Variants in ST18 observed in about 807,000 individuals in gnomAD.
ST18 encodes the protein ST18 C2H2C-type zinc finger transcription factor, also known as suppression of tumorigenicity 18 protein.
Under a neutral mutation model 110.0 loss-of-function variants are expected in ST18, and 50 were observed. The observed-to-expected ratio is 0.45, with a 90% confidence interval of 0.36 to 0.58. The LOEUF is 0.58. Among genes scored for constraint, ST18 ranks in the 20% least tolerant of loss-of-function variants. The probability of loss-of-function intolerance (pLI) is 0.00; values close to 1 mark genes in which losing one functional copy is unlikely to be tolerated. For synonymous variants in ST18, 461 were observed against 452.4 expected, an observed-to-expected ratio of 1.02 and a Z score of -0.24; for missense variants, 1,306 against 1,280.1, an observed-to-expected ratio of 1.02 and a Z score of -0.31.
At chr8:52,365,481 G>A (rs1234107957) in intron 2 of ST18, among the ~76,000 whole-genome samples, 1 of 151,730 alleles carries the variant, frequency 6.6e-6, no homozygotes, top group Non-Finnish European at 1.5e-5. Flanking sequence ...ATGAAATGGA[G>A]GTGTTCCTGA....
Position 52,214,126 on chromosome 8 carries a change from C to T in ST18, c.55+77G>A, listed in dbSNP as rs16917482. 9,520 of 1,448,614 alleles carry T rather than the reference C, an allele frequency of 6.6e-3. 462 individuals are homozygous for T. In the African/African-American group the frequency reaches 0.11, roughly 17 times the overall value. The allele number at this position is 1,448,614 out of a possible 1,614,324, so 89.7% of individuals were successfully genotyped here. A position where few individuals can be genotyped will look rare whatever the true frequency, so the allele number is the denominator to read the frequency against. ...AAGTTGTAATCATTCTGACTGCACA[C>T]GAGGGACTGAGCACTGGAACGCTCA... On this transcript the variant is annotated intron_variant, in intron 7 of 25. Coordinates refer to ENST00000689386, the MANE Select transcript of ST18 (RefSeq NM_001352837.2).
chr8:52,130,839 C>G (rs990498305), intron 22 of ST18, among the ~76,000 whole-genome samples: 2 of 152,166 alleles, frequency 1.3e-5, no homozygotes, highest in Non-Finnish European at 2.9e-5. Context: ...TTAGCAGTAT[C>G]AACATGGATA....
chr8:52,374,949 C>T (rs963456919), intron 2 of ST18, among the ~76,000 whole-genome samples: 1 of 152,182 alleles, frequency 6.6e-6, no homozygotes, highest in African/African-American at 2.4e-5. Context: ...AAGAAACTCA[C>T]AGACTCCACT....
chr8:52,386,230 T>C (rs912468675), intron 2 of ST18, among the ~76,000 whole-genome samples: 1 of 152,224 alleles, frequency 6.6e-6, no homozygotes, highest in African/African-American at 2.4e-5. Flanking sequence ...GTAGAATTTA[T>C]ATTATACAAT....
intron 23 of ST18, 166 bp downstream of exon 23, chr8:52,125,886 G>T: frequency 1.7e-6 from 1 of 577,522 alleles, no homozygotes; most frequent in Non-Finnish European, 2.9e-6. Context: ...CCAAAAAATT[G>T]GTTTTTAAAC....
intron 2 of ST18, among the ~76,000 whole-genome samples, chr8:52,367,236 T>TCACACACA (rs748933981): frequency 0.096 from 11,597 of 120,206 alleles, 853 homozygotes; most frequent in African/African-American, 0.19. Context: ...GGACCCTGTC[T>TCACACACA]CACACACACA....
chr8:52,170,033 T>C (rs2064274391), intron 10 of ST18, among the ~76,000 whole-genome samples: 1 of 152,224 alleles, frequency 6.6e-6, no homozygotes, highest in South Asian at 2.1e-4. Flanking sequence ...GTGGCTCAAA[T>C]AATTAAGTTT....
intron 2 of ST18, among the ~76,000 whole-genome samples, chr8:52,317,555 A>C (rs2096054635): frequency 6.6e-6 from 1 of 152,220 alleles, no homozygotes; most frequent in Non-Finnish European, 1.5e-5. Flanking sequence ...AATCAGCCCT[A>C]GGAAATTATT....
chr8:52,402,219 G>A (rs1843000623), intron 2 of ST18, among the ~76,000 whole-genome samples: 1 of 152,130 alleles, frequency 6.6e-6, no homozygotes, highest in South Asian at 2.1e-4. Context: ...GGGGATCCCT[G>A]TTATTATCAG....
intron 2 of ST18, among the ~76,000 whole-genome samples, chr8:52,303,800 T>A (rs2095768461): frequency 6.6e-6 from 1 of 152,202 alleles, no homozygotes; most frequent in South Asian, 2.1e-4. Flanking sequence ...TGAAAGAGTA[T>A]GAAAAAATAA....
At chr8:52,396,116 G>A (rs1024944484) in intron 2 of ST18, among the ~76,000 whole-genome samples, 1 of 152,048 alleles carries the variant, frequency 6.6e-6, no homozygotes, top group African/African-American at 2.4e-5. Context: ...GCAGATTAAT[G>A]TACCTTCATC....
chr8:52,243,402 C>T (rs186231155), intron 2 of ST18, among the ~76,000 whole-genome samples: 28 of 152,240 alleles, frequency 1.8e-4, no homozygotes, highest in African/African-American at 6.5e-4. Flanking sequence ...ATGACTGGAA[C>T]CCAGGAGTAC....
rs893337316 is a variant in ST18 at position 52,344,743 on chromosome 8, A to G, written c.-465+64585T>C. 7.2e-5 allele frequency among the ~76,000 whole-genome samples: 11 copies of G among 152,222 alleles called. No individual in the cohort carries two copies. The South Asian group carries it at 2.3e-3, about 32-fold the overall frequency. On this transcript the variant is annotated intron_variant, in intron 2 of 25. Transcript: ENST00000689386. ...ATGAGGGAGGATCTTAATCAGTAAC[A>G]TATCAAAATAGATACATCACCTGAG...
intron 2 of ST18, among the ~76,000 whole-genome samples, chr8:52,296,930 T>C (rs1036088285): frequency 6.6e-6 from 1 of 152,014 alleles, no homozygotes; most frequent in African/African-American, 2.4e-5. Context: ...CTAAAGAAAA[T>C]ATCAATAAGG....
intron 2 of ST18, among the ~76,000 whole-genome samples, chr8:52,346,943 AT>A (rs1459872792): frequency 6.6e-6 from 1 of 152,186 alleles, no homozygotes; most frequent in Non-Finnish European, 1.5e-5. Context: ...AATCCAAAAA[AT>A]ATAAACAAAA....
intron 2 of ST18, among the ~76,000 whole-genome samples, chr8:52,366,030 A>C (rs1056861244): frequency 1.3e-5 from 2 of 152,138 alleles, no homozygotes; most frequent in Admixed American, 1.3e-4. Context: ...CCTTTGAGGA[A>C]ATTATCATCA....
In ST18 at chr8:52,299,411, TTTTTC is replaced by T. The variant is rs1256085435; in HGVS notation, c.-464-69339_-464-69335del. On this transcript the variant is annotated intron_variant, in intron 2 of 25. Coordinates refer to ENST00000689386, the MANE Select transcript of ST18 (RefSeq NM_001352837.2). The stretch of plus-strand genomic sequence containing the variant: ...TATTACTAGTTGTTTCATTGTGTTC[TTTTTC>T]AAATCTTCAAAGTCAATTTTAAAAT... Among the ~76,000 whole-genome samples the T allele has an allele frequency of 2.8e-4, 42 of 152,332 alleles. 1 individual carries two copies. The highest frequency in any genetic ancestry group is 1.6e-3 in the Admixed American group (25 of 15,306).
chr8:52,214,337 A>C, intron 6 of ST18, 80 bp from the exon 7 acceptor site: 1 of 1,487,594 alleles, frequency 6.7e-7, no homozygotes, highest in Non-Finnish European at 9.3e-7. Context: ...GAAGTTCTGA[A>C]GGTCATTATG....
At chr8:52,397,149 C>T (rs1841429746) in intron 2 of ST18, among the ~76,000 whole-genome samples, 1 of 152,170 alleles carries the variant, frequency 6.6e-6, no homozygotes, top group South Asian at 2.1e-4. Context: ...ACATTTATCT[C>T]TGTCTTTTTG....
Sources: gnomAD v4.1 joint callset for allele counts (sites outside exome capture counted in the v4.1 genomes callset) on GRCh38, gnomAD v4.1.1 for gene constraint, MANE v1.5 for transcripts, NCBI Gene and HGNC (gene_info 2026-07-23, HGNC 2026-07-21) for gene names.